The following RCAN1 variants were observed in gnomAD, a reference collection of about 807,000 sequenced individuals.
RCAN1 encodes the protein regulator of calcineurin 1.
A neutral mutation model predicts 22.9 loss-of-function variants in RCAN1; 11 were observed. The ratio of observed to expected loss-of-function variants is 0.48; its 90% CI spans 0.30 to 0.79. The LOEUF (loss-of-function observed/expected upper bound fraction) is 0.79, where lower values mean the gene tolerates loss of function less well. RCAN1 is among the 30% of genes least tolerant of loss of function. The pLI, the probability that RCAN1 is intolerant of heterozygous loss-of-function variation, is 0.06. For missense variants in RCAN1, 291 were observed against 337.8 expected (o/e 0.86, Z 1.09); for synonymous variants, 136 against 142.3 (o/e 0.96, Z 0.32).
intron 1 of RCAN1, among the ~76,000 whole-genome samples, chr21:34,573,904 C>T (rs2070366): frequency 0.064 from 9,738 of 152,174 alleles, 446 homozygotes; most frequent in East Asian, 0.23. Context: ...CAAAATTATA[C>T]GTGTCATGAA....
chr21:34,536,757 C>A (rs1985691359), intron 1 of RCAN1, among the ~76,000 whole-genome samples: 1 of 152,158 alleles, frequency 6.6e-6, no homozygotes, highest in Non-Finnish European at 1.5e-5. Context: ...TGAGCAAGAT[C>A]AAAATCTGCA....
chr21:34,577,257 G>A (rs1214819995), intron 1 of RCAN1, among the ~76,000 whole-genome samples: 1 of 152,184 alleles, frequency 6.6e-6, no homozygotes, highest in Non-Finnish European at 1.5e-5. Flanking sequence ...GTACTGAAGA[G>A]TATCTAGAAA....
At chr21:34,536,397 A>G (rs1013245769) in intron 1 of RCAN1, among the ~76,000 whole-genome samples, 3 of 152,184 alleles carry the variant, frequency 2.0e-5, no homozygotes, top group Non-Finnish European at 4.4e-5. Context: ...GGGAAGAACA[A>G]TCACCCAGGA....
intron 1 of RCAN1, among the ~76,000 whole-genome samples, chr21:34,564,592 C>T (rs997672606): frequency 1.9e-4 from 29 of 152,080 alleles, no homozygotes; most frequent in Non-Finnish European, 4.0e-4. Flanking sequence ...AGCAACACAG[C>T]GGAGAGTCAC....
chr21:34,597,162 C>T (rs925639436), intron 1 of RCAN1, among the ~76,000 whole-genome samples: 1 of 152,124 alleles, frequency 6.6e-6, no homozygotes, highest in Non-Finnish European at 1.5e-5. Context: ...CCGTGCAGCC[C>T]AGTTCTGCAG....
At chr21:34,549,337 T>C (rs552991150) in intron 1 of RCAN1, among the ~76,000 whole-genome samples, 30 of 152,356 alleles carry the variant, frequency 2.0e-4, no homozygotes, top group Admixed American at 7.8e-4. Flanking sequence ...AGACTTAACC[T>C]ATGCCCTTGT....
rs534181139 is a variant in RCAN1 at position 34,565,076 on chromosome 21, G to T, written c.253-41366C>A. Among the ~76,000 whole-genome samples the T allele has an allele frequency of 5.9e-5, 9 of 152,210 alleles. No individual in the cohort carries two copies. In the South Asian group the frequency reaches 1.9e-3, roughly 32 times the overall value. On this transcript the variant is annotated intron_variant, in intron 1 of 3. Transcript: ENST00000313806. ...AAACAAACAAAACCAGTCAGGCATG[G>T]TGGCATGCACCTGTGCCCAGCTACT...
At chr21:34,534,753 C>T (rs1234080633) in intron 1 of RCAN1, among the ~76,000 whole-genome samples, 1 of 152,216 alleles carries the variant, frequency 6.6e-6, no homozygotes, top group African/African-American at 2.4e-5. Context: ...ACATTTCTCA[C>T]AGGCCTCAGG....
chr21:34,544,293 G>A (rs530908014), intron 1 of RCAN1, among the ~76,000 whole-genome samples: 75 of 152,340 alleles, frequency 4.9e-4, no homozygotes, highest in African/African-American at 1.7e-3. Context: ...TTCTGAAGTC[G>A]GAGAAAGGAT....
chr21:34,523,660 C>T lies in RCAN1; in HGVS notation c.303G>A (p.Gln101=), dbSNP rs1182181178. The part of the protein sequence containing the change: ...FRTYDKDITF[Q]YFKSFKRVRI... ...TGACTCGTTTGAAGCTCTTAAAATA[C>T]TGAAAGGTGATGTCCTTGTCATACG... Residue 101 remains glutamine, a synonymous_variant, in exon 2 of 4, where the codon CAG becomes CAA. Transcript: ENST00000313806. The T allele has an allele frequency of 6.2e-6, 10 of 1,614,026 alleles. No homozygotes were observed. The highest frequency in any genetic ancestry group is 8.5e-6 in the Non-Finnish European group (10 of 1,180,042).
At chr21:34,585,935 C>G (rs1357470733) in intron 1 of RCAN1, among the ~76,000 whole-genome samples, 1 of 152,024 alleles carries the variant, frequency 6.6e-6, no homozygotes. Context: ...AGAAGCATTA[C>G]TAGCAAAAAA....
intron 1 of RCAN1, among the ~76,000 whole-genome samples, chr21:34,550,698 C>T (rs564758501): frequency 9.8e-5 from 15 of 152,328 alleles, no homozygotes; most frequent in African/African-American, 3.4e-4. Context: ...AGCAGACTAA[C>T]ACCACTGCCA....
At chr21:34,604,540 C>T (rs1330913169) in intron 1 of RCAN1, among the ~76,000 whole-genome samples, 1 of 152,176 alleles carries the variant, frequency 6.6e-6, no homozygotes, top group African/African-American at 2.4e-5. Context: ...TGAAATGTAC[C>T]TCCTCTCTAG....
chr21:34,581,135 C>T (rs1053974516), intron 1 of RCAN1, among the ~76,000 whole-genome samples: 1 of 151,900 alleles, frequency 6.6e-6, no homozygotes, highest in Non-Finnish European at 1.5e-5. Context: ...GCCTTCTAGA[C>T]TGGAAAGTCT....
At position 34,590,591 on chromosome 21, in the gene RCAN1, C is replaced by A. The variant is rs7281541; in HGVS notation, c.252+24169G>T. 4.4e-3 allele frequency among the ~76,000 whole-genome samples: 666 copies of A among 152,294 alleles called. 3 individuals are homozygous for A. The highest frequency in any genetic ancestry group is 0.015 in the African/African-American group (630 of 41,554). The stretch of plus-strand genomic sequence containing the variant: ...TTATCCTGACATATATTTTTTCATC[C>A]TCCTCCCATCCCAGCACCTGCTCAG... On this transcript the variant is annotated intron_variant, in intron 1 of 3. Transcript: ENST00000313806.
At chr21:34,566,545 C>G (rs1217270083) in intron 1 of RCAN1, among the ~76,000 whole-genome samples, 1 of 135,910 alleles carries the variant, frequency 7.4e-6, no homozygotes, top group African/African-American at 2.8e-5. Context: ...ACCTGAAGAC[C>G]CAGGCCTTAC....
intron 1 of RCAN1, chr21:34,525,381 A>G: frequency 6.9e-7 from 1 of 1,455,002 alleles, no homozygotes; most frequent in Admixed American, 2.5e-5. Flanking sequence ...GGCACGTGCG[A>G]AGGAACGCGG....
intron 1 of RCAN1, among the ~76,000 whole-genome samples, chr21:34,570,640 CTTTTTTT>C (rs56226026): frequency 4.7e-4 from 64 of 134,792 alleles, no homozygotes; most frequent in Middle Eastern, 3.8e-3. Context: ...ATAGTGGACT[CTTTTTTT>C]TTTTTTTTTG....
Position 34,526,726 on chromosome 21 carries a change from G to A in RCAN1, c.253-3016C>T, listed in dbSNP as rs1415020828. 3 of 1,613,484 alleles carry A rather than the reference G, an allele frequency of 1.9e-6. No individual in the cohort carries two copies. In the South Asian group the frequency reaches 3.3e-5, roughly 18 times the overall value. On this transcript the variant is annotated intron_variant, in intron 1 of 3. Transcript: ENST00000313806. ...CACAGGCAATCAGGGAGCTAAAACTGTAGTTAAAGTTTCTAAAATGCATCT... is the reference window on the plus strand; with the variant it reads ...CACAGGCAATCAGGGAGCTAAAACTATAGTTAAAGTTTCTAAAATGCATCT...
Sources: gnomAD v4.1 joint callset for allele counts (sites outside exome capture counted in the v4.1 genomes callset) on GRCh38, gnomAD v4.1.1 for gene constraint, MANE v1.5 for transcripts, NCBI Gene and HGNC (gene_info 2026-07-23, HGNC 2026-07-21) for gene names.